Variants in OR14J1 observed in about 807,000 individuals in gnomAD.
OR14J1 encodes olfactory receptor family 14 subfamily J member 1, also known as olfactory receptor 14J1.
For synonymous variants in OR14J1, 140 were observed against 146.7 expected (o/e 0.95, Z 0.33); for missense variants, 378 against 393.4 (o/e 0.96, Z 0.33).
intron 1 of OR14J1, among the ~76,000 whole-genome samples, chr6:29,303,768 G>A (rs1219588338): frequency 6.6e-6 from 1 of 151,110 alleles, no homozygotes; most frequent in African/African-American, 2.4e-5. Context: ...TCTATCAACA[G>A]AGCATAGTGA....
In OR14J1 at chr6:29,310,497, G is replaced by A. The variant is rs577453596; in HGVS notation, c.*2842G>A. ...ATATCTGTTTTGGCACCAGTAACATGCTGTTTTGGTTACTGTAGCTTTGTA... is the reference window on the plus strand; with the variant it reads ...ATATCTGTTTTGGCACCAGTAACATACTGTTTTGGTTACTGTAGCTTTGTA... On this transcript the variant is annotated 3_prime_UTR_variant, in exon 2 of 2. Coordinates refer to ENST00000641895, the MANE Select transcript of OR14J1 (RefSeq NM_030946.2). 1.6e-4 allele frequency: 24 copies of A among 152,338 alleles called. No individual in the cohort carries two copies. The highest frequency in any genetic ancestry group is 3.4e-4 in the African/African-American group (14 of 41,584). The allele number at this position is 152,338 out of a possible 1,614,324, so 9.4% of individuals were successfully genotyped here.
Position 29,309,604 on chromosome 6 carries a change from G to A in OR14J1, c.*1949G>A, listed in dbSNP as rs1033520358. 3 of 152,166 alleles carry A rather than the reference G, an allele frequency of 2.0e-5. No individual in the cohort carries two copies. The highest frequency in any genetic ancestry group is 4.8e-5 in the African/African-American group (2 of 41,434). The allele number at this position is 152,166 out of a possible 1,614,324, so 9.4% of individuals were successfully genotyped here. A position where few individuals can be genotyped will look rare whatever the true frequency, so the allele number is the denominator to read the frequency against. ...CTGGCATGAGATGGTATCTCATTAT[G>A]GTTTTGATTCACATTTCTCTGATAA... On this transcript the variant is annotated 3_prime_UTR_variant, in exon 2 of 2. Transcript: ENST00000641895.
In OR14J1 at chr6:29,311,267, T is replaced by C. The variant is rs1216001902; in HGVS notation, c.*3612T>C. The stretch of plus-strand genomic sequence containing the variant: ...TGAGTTTGTCATAGATAGCTTTTAT[T>C]ATTTTGAGATACATTCCATCAATAT... On this transcript the variant is annotated 3_prime_UTR_variant, in exon 2 of 2. Transcript: ENST00000641895. The C allele has an allele frequency of 6.6e-6, 1 of 152,228 alleles. No homozygotes were observed. The highest frequency in any genetic ancestry group is 1.5e-5 in the Non-Finnish European group (1 of 68,036). The allele number at this position is 152,228 out of a possible 1,614,324, so 9.4% of individuals were successfully genotyped here. A position where few individuals can be genotyped will look rare whatever the true frequency, so the allele number is the denominator to read the frequency against.
chr6:29,304,776 C>T (rs1249957339), intron 1 of OR14J1, among the ~76,000 whole-genome samples: 2 of 152,096 alleles, frequency 1.3e-5, no homozygotes, highest in African/African-American at 4.8e-5. Flanking sequence ...CGATTTTTCT[C>T]CTCCTTCCCT....
Position 29,308,283 on chromosome 6 carries a change from A to G in OR14J1, c.*628A>G, listed in dbSNP as rs532419719. 1 of 152,332 alleles carries G rather than the reference A, an allele frequency of 6.6e-6. No homozygotes were observed. Among genetic ancestry groups the G allele is most frequent in the African/African-American group, 2.4e-5 (1 of 41,578 alleles). 9.4% of individuals were successfully genotyped at this position (152,332 alleles called of 1,614,324 possible). On this transcript the variant is annotated 3_prime_UTR_variant, in exon 2 of 2. Transcript: ENST00000641895. The stretch of plus-strand genomic sequence containing the variant: ...AATTAATATTTGTCTGACTCAAACA[A>G]TAAGGTCATTTATGTTCCTTACTGA...
At chr6:29,305,246 C>T (rs566678320) in intron 1 of OR14J1, among the ~76,000 whole-genome samples, 34 of 152,212 alleles carry the variant, frequency 2.2e-4, no homozygotes, top group African/African-American at 8.2e-4. Context: ...TAAATTACAG[C>T]AAAATCAAAA....
rs1456607649 is a variant in OR14J1, at chr6:29,312,556, C to A, written c.*4901C>A. On this transcript the variant is annotated 3_prime_UTR_variant, in exon 2 of 2. Coordinates refer to ENST00000641895, the MANE Select transcript of OR14J1 (RefSeq NM_030946.2). The stretch of plus-strand genomic sequence containing the variant: ...TTCGGCTAGCCCTCCCTGGGCTGCA[C>A]CCACTGTCTAACCAGTCCCTGTGAG... 6.5e-6 allele frequency: 1 copy of A among 153,152 alleles called. No individual in the cohort carries two copies. The highest frequency in any genetic ancestry group is 1.5e-5 in the Non-Finnish European group (1 of 68,886). The allele number at this position is 153,152 out of a possible 1,614,324, so 9.5% of individuals were successfully genotyped here.
In OR14J1 at chr6:29,307,524, A is replaced by T; in HGVS notation, c.835A>T (p.Ile279Leu). ...TGTATTCTCCGTATTCTATACTGTG[A>T]TACCTCCAACACTCAATCCAGTCAT... is the stretch of plus-strand genomic sequence containing the variant. The part of the protein sequence containing the change: ...DLVFSVFYTV[I>L]PPTLNPVIYS... Residue 279 changes from isoleucine (I) to leucine (L), a missense_variant, in exon 2 of 2, where the codon ATA (isoleucine) becomes TTA (leucine). Ile to Leu is a conservative substitution (Grantham distance 5, BLOSUM62 2). Coordinates refer to ENST00000641895, the MANE Select transcript of OR14J1 (RefSeq NM_030946.2). The T allele has an allele frequency of 1.2e-6, 2 of 1,612,938 alleles. No homozygotes were observed. The highest frequency in any genetic ancestry group is 2.2e-5 in the South Asian group (2 of 91,074).
rs755547465 is a variant in OR14J1, at chr6:29,306,717, T to G, written c.28T>G (p.Phe10Val). The G allele has an allele frequency of 3.7e-6, 6 of 1,612,462 alleles. No homozygotes were observed. The change falls in exon 2 of 2, where the codon TTC (phenylalanine) becomes GTC (valine). Residue 10 changes from phenylalanine (F) to valine (V), a missense_variant. By Grantham distance (50) the Phe-to-Val change is conservative (BLOSUM62 -1). Transcript: ENST00000641895. ...GGTCAATTTGACTTCAATGAGTGGA[T>G]TCCTTCTTATGGGGTTTTCTGATGA... MVNLTSMSG[F>V]LLMGFSDERK... is the part of the protein sequence containing the mutation.
intron 1 of OR14J1, among the ~76,000 whole-genome samples, chr6:29,304,604 T>A (rs1355858350): frequency 6.6e-6 from 1 of 152,230 alleles, no homozygotes; most frequent in Non-Finnish European, 1.5e-5. Context: ...GATGAATTAA[T>A]CAATACAATT....
intron 1 of OR14J1, among the ~76,000 whole-genome samples, chr6:29,302,693 C>A (rs1774798786): frequency 6.6e-6 from 1 of 152,108 alleles, no homozygotes; most frequent in Non-Finnish European, 1.5e-5. Context: ...ATATTGTTTG[C>A]CATCCTAAGC....
chr6:29,307,379 G>C lies in OR14J1; in HGVS notation c.690G>C (p.Glu230Asp), dbSNP rs1350607077. 1 of 1,612,894 alleles carries C rather than the reference G, an allele frequency of 6.2e-7. No homozygotes were observed. Among genetic ancestry groups the C allele is most frequent in the Non-Finnish European group, 8.5e-7 (1 of 1,180,028 alleles). ...CAGTGCTGAGAATCCCATCAGCTGA[G>C]GGCCGGACCAAGGTCTTCTCCACCT... Reference protein sequence around the residue: ...FSTVLRIPSAEGRTKVFSTCL... With the variant: ...FSTVLRIPSADGRTKVFSTCL... The change falls in exon 2 of 2, where the codon GAG (glutamate) becomes GAC (aspartate). Residue 230 changes from glutamate (E) to aspartate (D), a missense_variant. Glu to Asp is a conservative substitution (Grantham distance 45). Coordinates refer to ENST00000641895, the MANE Select transcript of OR14J1 (RefSeq NM_030946.2).
chr6:29,305,396 T>C (rs908832261), intron 1 of OR14J1, among the ~76,000 whole-genome samples: 1 of 152,190 alleles, frequency 6.6e-6, no homozygotes, highest in Non-Finnish European at 1.5e-5. Context: ...TTTGTCTATA[T>C]AGAACTGAAA....
rs1775121133 is a variant in OR14J1 at position 29,306,807 on chromosome 6, A to C, written c.118A>C (p.Asn40His). ...GACATACCTGCTGGCCTTGACAGGC[A>C]ACCTCCTCATTATCACCATCATTAC... ...LVTYLLALTG[N>H]LLIITIITVD... The change falls in exon 2 of 2, where the codon AAC becomes CAC. Residue 40 changes from asparagine (N) to histidine (H), a missense_variant. Coordinates refer to ENST00000641895, the MANE Select transcript of OR14J1 (RefSeq NM_030946.2). 5 of 1,613,070 alleles carry C rather than the reference A, an allele frequency of 3.1e-6. No individual in the cohort carries two copies. The highest frequency in any genetic ancestry group is 4.2e-6 in the Non-Finnish European group (5 of 1,180,010).
intron 1 of OR14J1, among the ~76,000 whole-genome samples, 152 bp downstream of exon 1, chr6:29,301,939 C>T (rs899998960): frequency 2.6e-5 from 4 of 151,668 alleles, no homozygotes; most frequent in South Asian, 2.1e-4. Flanking sequence ...AAATAAGCTG[C>T]GATATCTATG....
In OR14J1 at chr6:29,312,457, A is replaced by C. The variant is rs1003215189; in HGVS notation, c.*4802A>C. On this transcript the variant is annotated 3_prime_UTR_variant, in exon 2 of 2. Transcript: ENST00000641895. ...ACTGTTCCTCATGGCTCAGTCCCTC[A>C]TGGCTTCCCTTGGCTAGGGGAGGGA... 1 of 170,422 alleles carries C rather than the reference A, an allele frequency of 5.9e-6. No individual in the cohort carries two copies. The highest frequency in any genetic ancestry group is 1.2e-5 in the Non-Finnish European group (1 of 83,038). 10.6% of individuals were successfully genotyped at this position (170,422 alleles called of 1,614,324 possible).
chr6:29,303,739 ATCTATC>A (rs1209389361), intron 1 of OR14J1, among the ~76,000 whole-genome samples: 1 of 151,656 alleles, frequency 6.6e-6, no homozygotes, highest in Non-Finnish European at 1.5e-5. Flanking sequence ...TCTATCATCT[ATCTATC>A]TCTAATCTAT....
At chr6:29,305,523 G>C (rs1193858246) in intron 1 of OR14J1, among the ~76,000 whole-genome samples, 1 of 152,120 alleles carries the variant, frequency 6.6e-6, no homozygotes, top group African/African-American at 2.4e-5. Flanking sequence ...TTGTGCAGAA[G>C]AAACTCAGTG....
chr6:29,301,995 AAGTT>A (rs1774731569), intron 1 of OR14J1, among the ~76,000 whole-genome samples: 1 of 152,150 alleles, frequency 6.6e-6, no homozygotes, highest in Non-Finnish European at 1.5e-5. Context: ...AAGCATAAAA[AAGTT>A]AGTATAAATT....
Sources: gnomAD v4.1 joint callset for allele counts (sites outside exome capture counted in the v4.1 genomes callset) on GRCh38, gnomAD v4.1.1 for gene constraint, MANE v1.5 for transcripts, NCBI Gene and HGNC (gene_info 2026-07-23, HGNC 2026-07-21) for gene names.